The following CELF2 variants were observed in gnomAD, a reference collection of about 807,000 sequenced individuals.
CELF2 encodes CUGBP Elav-like family member 2.
A neutral mutation model predicts 62.6 loss-of-function variants in CELF2; 8 were observed. That is an observed-to-expected ratio of 0.13 (90% CI 0.07 to 0.23). CELF2 has a LOEUF of 0.23. Among genes scored for constraint, CELF2 ranks in the 10% least tolerant of loss-of-function variants. The pLI is 1.00. For missense variants in CELF2, 333 were observed against 671.0 expected (o/e 0.50, Z 5.56); for synonymous variants, 258 against 250.0 (o/e 1.03, Z -0.30).
At chr10:11,192,897 A>G (rs1043823275) in intron 2 of CELF2, among the ~76,000 whole-genome samples, 3 of 152,190 alleles carry the variant, frequency 2.0e-5, no homozygotes, top group Non-Finnish European at 4.4e-5. Context: ...CGTGCAGCCA[A>G]GGTTGAGAAG....
chr10:11,240,311 T>C (rs1422068023), intron 3 of CELF2, among the ~76,000 whole-genome samples: 1 of 152,172 alleles, frequency 6.6e-6, no homozygotes, highest in East Asian at 1.9e-4. Context: ...CAACAATGAG[T>C]GGTCTTCACT....
At chr10:10,503,649 T>C in the CELF2 span, among the ~76,000 whole-genome samples, 1 of 152,138 alleles carries the variant, frequency 6.6e-6, no homozygotes, top group East Asian at 1.9e-4. Context: ...CATTGGAACA[T>C]ACTTTTAAAT....
At chr10:11,278,773 C>G (rs1246693315) in intron 8 of CELF2, among the ~76,000 whole-genome samples, 1 of 152,144 alleles carries the variant, frequency 6.6e-6, no homozygotes, top group East Asian at 1.9e-4. Flanking sequence ...AGTCAATGAC[C>G]TAACAAGGAT....
the CELF2 span, among the ~76,000 whole-genome samples, chr10:10,725,001 A>G: frequency 1.3e-5 from 2 of 152,338 alleles, no homozygotes; most frequent in African/African-American, 4.8e-5. Flanking sequence ...TCTGATTAGT[A>G]TAACCACTTT....
In CELF2 at chr10:11,110,915, A is replaced by T. The variant is rs557489512; in HGVS notation, c.75-54571A>T. Among the ~76,000 whole-genome samples the T allele has an allele frequency of 2.0e-5, 3 of 152,260 alleles. No individual in the cohort carries two copies. The East Asian group carries it at 5.8e-4, about 29-fold the overall frequency. On this transcript the variant is annotated intron_variant, in intron 1 of 12. Coordinates refer to ENST00000633077, the MANE Select transcript of CELF2 (RefSeq NM_001326342.2). The surrounding 1 kb of genome is among the most constrained non-coding windows in gnomAD (Gnocchi z 4.0). ...AACGCAGCACTGCAATGAGCATTTT[A>T]TTGAATTCTTTCAAAACTGGAATTA...
At chr10:10,831,989 C>T (rs1381327109) in intron 1 of CELF2, among the ~76,000 whole-genome samples, 2 of 140,812 alleles carry the variant, frequency 1.4e-5, no homozygotes, top group African/African-American at 2.7e-5. Flanking sequence ...TAAATAAGGC[C>T]GGGCGCGGTG....
chr10:11,153,421 A>G (rs56059942), intron 1 of CELF2, among the ~76,000 whole-genome samples: 7,797 of 152,100 alleles, frequency 0.051, 273 homozygotes, highest in Non-Finnish European at 0.077. Context: ...CCAAATTGCA[A>G]TTGAAACAAG....
intron 1 of CELF2, among the ~76,000 whole-genome samples, chr10:11,140,015 G>A (rs74938266): frequency 0.011 from 1,646 of 152,176 alleles, 25 homozygotes; most frequent in African/African-American, 0.038. Context: ...AAATGGTTTC[G>A]TGGGATTTCA....
At chr10:11,077,130 A>G (rs1208186288) in intron 1 of CELF2, among the ~76,000 whole-genome samples, 2 of 152,168 alleles carry the variant, frequency 1.3e-5, no homozygotes, top group East Asian at 1.9e-4. Flanking sequence ...AGACAAGTGA[A>G]TGTCTCCGTG....
intron 1 of CELF2, among the ~76,000 whole-genome samples, chr10:11,009,708 G>C (rs1299559929): frequency 1.3e-5 from 2 of 152,192 alleles, no homozygotes; most frequent in Non-Finnish European, 2.9e-5. Context: ...TTAGGATGGT[G>C]ATGAATCACT....
At chr10:10,648,509 A>C in the CELF2 span, among the ~76,000 whole-genome samples, 1 of 152,220 alleles carries the variant, frequency 6.6e-6, no homozygotes, top group Non-Finnish European at 1.5e-5. Flanking sequence ...TAGGTAAAAG[A>C]AAGTACAATT....
In CELF2 at chr10:11,305,190, T is replaced by C. The variant is rs1394091219; in HGVS notation, c.977-8949T>C. 6.6e-6 allele frequency among the ~76,000 whole-genome samples: 1 copy of C among 152,188 alleles called. No homozygotes were observed. The highest frequency in any genetic ancestry group is 2.4e-5 in the African/African-American group (1 of 41,440). On this transcript the variant is annotated intron_variant, in intron 9 of 12. Transcript: ENST00000633077. The surrounding 1 kb of genome is among the most constrained non-coding windows in gnomAD (Gnocchi z 4.8). ...GGGGAGGTGGTCCAGGTTATCCACA[T>C]AGCAGAGAAAAGAACTTTTTTCTGG...
In CELF2 at chr10:10,997,948, T is replaced by C. The variant is rs1480800974; in HGVS notation, c.89+77949T>C. Among the ~76,000 whole-genome samples the C allele has an allele frequency of 2.6e-5, 4 of 152,098 alleles. No individual in the cohort carries two copies. The highest frequency in any genetic ancestry group is 2.9e-5 in the Non-Finnish European group (2 of 68,010). On this transcript the variant is annotated intron_variant, in intron 2 of 13. Transcript: ENST00000636488. The surrounding 1 kb of genome is among the most constrained non-coding windows in gnomAD (Gnocchi z 5.3). ...ATGGGAGGGACCCGGTGGGAGGTAA[T>C]TGAATCATGGAGGCTGGATTTTCTC...
At chr10:10,978,745 C>T (rs1354991002) in intron 2 of CELF2, among the ~76,000 whole-genome samples, 1 of 152,080 alleles carries the variant, frequency 6.6e-6, no homozygotes, top group African/African-American at 2.4e-5. Flanking sequence ...AGGCCAATAC[C>T]CTAAGTTGCA....
In CELF2 at chr10:11,316,145, G is replaced by A. The variant is rs1001971301; in HGVS notation, c.1096+1887G>A. Among the ~76,000 whole-genome samples the A allele has an allele frequency of 1.3e-5, 2 of 152,216 alleles. No individual in the cohort carries two copies. Among genetic ancestry groups the A allele is most frequent in the African/African-American group, 4.8e-5 (2 of 41,452 alleles). On this transcript the variant is annotated intron_variant, in intron 10 of 12. Transcript: ENST00000633077. The surrounding 1 kb of genome is among the most constrained non-coding windows in gnomAD (Gnocchi z 4.4). ...GAGTAGTTCTTGTGTGGGGTCTTGTGTGATACACATTTTGCTTCTGGCAAG... is the reference window on the plus strand; with the variant it reads ...GAGTAGTTCTTGTGTGGGGTCTTGTATGATACACATTTTGCTTCTGGCAAG...
intron 1 of CELF2, among the ~76,000 whole-genome samples, chr10:10,827,013 A>T (rs1447378758): frequency 6.6e-6 from 1 of 152,196 alleles, no homozygotes; most frequent in Non-Finnish European, 1.5e-5. Flanking sequence ...TGAGGTGTGA[A>T]GGAATGCTCT....
At chr10:11,287,413 C>T (rs547293896) in intron 8 of CELF2, among the ~76,000 whole-genome samples, 21 of 152,314 alleles carry the variant, frequency 1.4e-4, no homozygotes, top group African/African-American at 4.3e-4. Flanking sequence ...ACTAACTATC[C>T]GGTGTAGACA....
At chr10:10,546,409 A>T in the CELF2 span, among the ~76,000 whole-genome samples, 3 of 152,218 alleles carry the variant, frequency 2.0e-5, no homozygotes, top group Admixed American at 2.0e-4. Flanking sequence ...AACTGGAACT[A>T]GTTAGTGCAG....
chr10:10,907,076 T>C (rs1473824648), intron 1 of CELF2, among the ~76,000 whole-genome samples: 1 of 152,112 alleles, frequency 6.6e-6, no homozygotes, highest in Non-Finnish European at 1.5e-5. Context: ...TCTACAAATA[T>C]AGCATTTCCT....
Sources: allele counts gnomAD v4.1 joint callset (sites outside exome capture counted in the v4.1 genomes callset), GRCh38; gene constraint gnomAD v4.1.1; non-coding constraint Gnocchi (gnomAD v3.1); transcripts MANE v1.5; gene names NCBI Gene and HGNC (gene_info 2026-07-23, HGNC 2026-07-21).